LRBA: variants seen among roughly 807,000 people sequenced by gnomAD.
LRBA encodes LPS responsive beige-like anchor protein.
Under a neutral mutation model 330.0 loss-of-function variants are expected in LRBA, and 176 were observed. The observed-to-expected ratio is 0.53, with a 90% CI of 0.47 to 0.60. LRBA has a LOEUF of 0.60. LRBA is among the 20% of genes least tolerant of loss of function. LRBA has a pLI of 0.00. For missense variants in LRBA, 3,259 were observed against 3,444.8 expected (o/e 0.95, Z 1.35); for synonymous variants, 1,230 against 1,193.0 (o/e 1.03, Z -0.64).
rs752047340 is a variant in LRBA, at chr4:150,282,639, T to C, written c.8127A>G (p.Pro2709=). 6 of 1,595,282 alleles carry C rather than the reference T, an allele frequency of 3.8e-6. No individual in the cohort carries two copies. Among genetic ancestry groups the C allele is most frequent in the South Asian group, 1.1e-5 (1 of 89,172 alleles). Residue 2709 remains proline, a synonymous_variant, in exon 55 of 57, where the codon CCA becomes CCG. Transcript: ENST00000651943. The part of the protein sequence containing the change: ...GLVLSGSQEG[P]CLIHSMNGDL... Reference sequence around the variant, plus strand: ...CTCCATTCATGGAATGTATGAGACATGGTCCTTCTGAGAAGAGAGGAGAAA... The same window carrying C: ...CTCCATTCATGGAATGTATGAGACACGGTCCTTCTGAGAAGAGAGGAGAAA...
intron 37 of LRBA, among the ~76,000 whole-genome samples, chr4:150,625,834 C>T (rs1426868884): frequency 2.6e-5 from 4 of 151,672 alleles, no homozygotes; most frequent in African/African-American, 7.3e-5. Flanking sequence ...CTCAGCCTGC[C>T]GAGTAGCTGG....
intron 53 of LRBA, among the ~76,000 whole-genome samples, chr4:150,290,464 AC>A (rs1728135846): frequency 6.6e-6 from 1 of 152,220 alleles, no homozygotes; most frequent in African/African-American, 2.4e-5. Context: ...TCCCTTAAGA[AC>A]CTTTTAAAGT....
intron 28 of LRBA, among the ~76,000 whole-genome samples, chr4:150,833,270 A>G (rs976419238): frequency 6.6e-6 from 1 of 151,914 alleles, no homozygotes; most frequent in Non-Finnish European, 1.5e-5. Flanking sequence ...AGGAGAACCT[A>G]CACACACCAC....
chr4:150,975,900 G>A (rs752761428), intron 2 of LRBA, among the ~76,000 whole-genome samples: 5 of 152,012 alleles, frequency 3.3e-5, no homozygotes, highest in Non-Finnish European at 5.9e-5. Context: ...AGTGGCTCAC[G>A]CCTGTAATCC....
chr4:150,434,538 G>A (rs895613258), intron 46 of LRBA, among the ~76,000 whole-genome samples: 4 of 152,194 alleles, frequency 2.6e-5, no homozygotes, highest in African/African-American at 7.2e-5. Flanking sequence ...GTATTTTTCA[G>A]ACTATAGTAA....
chr4:150,491,061 G>T (rs754005700), intron 40 of LRBA, 26 bp from the exon 41 acceptor site: 27 of 1,173,922 alleles, frequency 2.3e-5, no homozygotes, highest in Non-Finnish European at 3.1e-5. Context: ...ATAATCCCAG[G>T]TAAGTAACAA....
At chr4:150,464,360 TAGAG>T (rs928737679) in intron 44 of LRBA, among the ~76,000 whole-genome samples, 1 of 151,968 alleles carries the variant, frequency 6.6e-6, no homozygotes, top group African/African-American at 2.4e-5. Context: ...ATTCAAACCA[TAGAG>T]AGAGAGTAGG....
chr4:150,863,850 A>G (rs1490965133), intron 22 of LRBA, among the ~76,000 whole-genome samples: 2 of 152,224 alleles, frequency 1.3e-5, no homozygotes, highest in Non-Finnish European at 2.9e-5. Flanking sequence ...AGGGAACTCA[A>G]AAAGACTAAT....
chr4:150,408,050 A>G (rs1746446783), intron 47 of LRBA, among the ~76,000 whole-genome samples: 1 of 152,100 alleles, frequency 6.6e-6, no homozygotes, highest in Non-Finnish European at 1.5e-5. Context: ...TGAATATTAG[A>G]GCGAAAACTC....
intron 2 of LRBA, chr4:151,013,309 T>G (rs1022697628): frequency 6.6e-6 from 1 of 152,236 alleles, no homozygotes; most frequent in Non-Finnish European, 1.5e-5. Context: ...CCAGATTTCC[T>G]TTTGATTCTT....
intron 47 of LRBA, among the ~76,000 whole-genome samples, chr4:150,367,353 T>C (rs1739603005): frequency 6.6e-6 from 1 of 152,178 alleles, no homozygotes; most frequent in Non-Finnish European, 1.5e-5. Flanking sequence ...ACAGTTTTCT[T>C]ACAGTGCAAA....
At chr4:150,636,158 CTTTT>C (rs70941419) in intron 37 of LRBA, among the ~76,000 whole-genome samples, 43 of 112,986 alleles carry the variant, frequency 3.8e-4, no homozygotes, top group Non-Finnish European at 5.1e-4. Flanking sequence ...ACCTACCAAG[CTTTT>C]TTTTTTTTTT....
At chr4:150,963,636 C>T (rs1273099381) in intron 2 of LRBA, among the ~76,000 whole-genome samples, 3 of 149,396 alleles carry the variant, frequency 2.0e-5, no homozygotes, top group Admixed American at 6.6e-5. Context: ...GCGTCTCTGC[C>T]TGGCCGCCCA....
intron 34 of LRBA, among the ~76,000 whole-genome samples, chr4:150,794,720 G>A (rs1192444491): frequency 6.6e-6 from 1 of 152,028 alleles, no homozygotes; most frequent in Non-Finnish European, 1.5e-5. Flanking sequence ...GCCTAAAATA[G>A]TATTTTAAAT....
rs77012869 is a variant in LRBA at position 150,461,303 on chromosome 4, G to C, written c.6780+6370C>G. On this transcript the variant is annotated intron_variant, in intron 44 of 56. Transcript: ENST00000651943. ...ATTACAGAGTTTCTCAAACTTTCTG[G>C]GCCAAAGCTCACGTTAAGAAATATG... is the stretch of plus-strand genomic sequence containing the variant. Among the ~76,000 whole-genome samples the C allele has an allele frequency of 3.5e-3, 538 of 151,718 alleles. 29 individuals carry two copies. The East Asian group carries it at 0.096, about 27-fold the overall frequency.
intron 44 of LRBA, among the ~76,000 whole-genome samples, chr4:150,458,398 T>C (rs913503745): frequency 2.0e-5 from 3 of 151,902 alleles, no homozygotes; most frequent in African/African-American, 7.2e-5. Flanking sequence ...ACATGCCACA[T>C]TGAACACGTA....
At chr4:150,377,492 A>T (rs1741524314) in intron 47 of LRBA, among the ~76,000 whole-genome samples, 1 of 152,186 alleles carries the variant, frequency 6.6e-6, no homozygotes, top group African/African-American at 2.4e-5. Context: ...GCTAAAGCAA[A>T]GTAGGATTTG....
At chr4:150,490,727 A>G (rs1758804616) in intron 41 of LRBA, among the ~76,000 whole-genome samples, 191 bp downstream of exon 41, 1 of 151,972 alleles carries the variant, frequency 6.6e-6, no homozygotes, top group African/African-American at 2.4e-5. Flanking sequence ...GAAAAGAATT[A>G]CAAATGATTC....
At chr4:150,428,050 C>T (rs1303883582) in intron 46 of LRBA, among the ~76,000 whole-genome samples, 2 of 151,974 alleles carry the variant, frequency 1.3e-5, no homozygotes, top group Non-Finnish European at 2.9e-5. Flanking sequence ...ATGATCACCT[C>T]TACTGTATAT....
Sources: gnomAD v4.1 joint callset for allele counts (sites outside exome capture counted in the v4.1 genomes callset) on GRCh38, gnomAD v4.1.1 for gene constraint, MANE v1.5 for transcripts, NCBI Gene and HGNC (gene_info 2026-07-23, HGNC 2026-07-21) for gene names.